The following TRIM5 variants were observed in gnomAD, a reference collection of about 807,000 sequenced individuals.
TRIM5 encodes the protein tripartite motif-containing protein 5.
In TRIM5, 31 loss-of-function variants were observed where a neutral mutation model predicts 35.6. The ratio of observed to expected loss-of-function variants is 0.87; its 90% CI spans 0.65 to 1.18. The LOEUF (loss-of-function observed/expected upper bound fraction) is 1.18. TRIM5 is among the 50% of genes most tolerant of loss of function. The pLI is 0.00. For missense variants in TRIM5, 609 were observed against 591.6 expected (o/e 1.03, Z -0.31); for synonymous variants, 243 against 215.6 (o/e 1.13, Z -1.11).
At chr11:5,640,833 G>A in the TRIM5 span, among the ~76,000 whole-genome samples, 1 of 151,992 alleles carries the variant, frequency 6.6e-6, no homozygotes, top group African/African-American at 2.4e-5. Context: ...ACATGTTTTA[G>A]GCCTATTCAT....
the TRIM5 span, among the ~76,000 whole-genome samples, chr11:5,628,999 G>T: frequency 2.6e-5 from 4 of 152,104 alleles, no homozygotes; most frequent in Non-Finnish European, 4.4e-5. Flanking sequence ...GGTCAAGGCC[G>T]GGTGCAGTGG....
chr11:5,637,010 T>C, the TRIM5 span, among the ~76,000 whole-genome samples: 10 of 152,034 alleles, frequency 6.6e-5, no homozygotes, highest in Non-Finnish European at 1.3e-4. Flanking sequence ...GCCGGGCATT[T>C]TATAATATAC....
At chr11:5,618,911 A>ACAT in the TRIM5 span, among the ~76,000 whole-genome samples, 3 of 152,248 alleles carry the variant, frequency 2.0e-5, no homozygotes, top group African/African-American at 7.2e-5. Flanking sequence ...TATTTGGGAA[A>ACAT]CATCAGTGTA....
the TRIM5 span, chr11:5,634,704 A>G: frequency 1.9e-6 from 3 of 1,614,106 alleles, no homozygotes; most frequent in South Asian, 2.2e-5. Context: ...AATAATGAGG[A>G]GCAGAGAGAG....
At chr11:5,657,088 A>G in the TRIM5 span, among the ~76,000 whole-genome samples, 4 of 152,206 alleles carry the variant, frequency 2.6e-5, no homozygotes, top group South Asian at 2.1e-4. Flanking sequence ...TAGACTGGAT[A>G]AAGAAAATGT....
downstream of TRIM5, among the ~76,000 whole-genome samples, chr11:5,659,662 T>A (rs1314659812): frequency 6.6e-6 from 1 of 152,002 alleles, no homozygotes; most frequent in African/African-American, 2.4e-5. Context: ...GCCTAGATGG[T>A]ACAGACCATA....
chr11:5,600,210 C>T, the TRIM5 span, among the ~76,000 whole-genome samples: 1 of 152,180 alleles, frequency 6.6e-6, no homozygotes, highest in Admixed American at 6.5e-5. Flanking sequence ...TATCTGCATT[C>T]AACACCGGCC....
chr11:5,643,174 A>C, the TRIM5 span: 1 of 1,577,602 alleles, frequency 6.3e-7, no homozygotes, highest in African/African-American at 1.4e-5. Flanking sequence ...GTCAACCTAA[A>C]TTTGAATCTT....
chr11:5,679,278 A>G, intron 2 of TRIM5, 109 bp from the exon 3 acceptor site: 1 of 914,968 alleles, frequency 1.1e-6, no homozygotes, highest in South Asian at 1.5e-5. Context: ...AAATTTGCAG[A>G]AACTGTGAGA....
chr11:5,642,410 G>T, the TRIM5 span: 5 of 1,612,734 alleles, frequency 3.1e-6, no homozygotes, highest in Non-Finnish European at 3.4e-6. Context: ...CCCTAGGAGT[G>T]AGATCTGGAG....
At chr11:5,606,548 G>GA in the TRIM5 span, among the ~76,000 whole-genome samples, 1 of 152,026 alleles carries the variant, frequency 6.6e-6, no homozygotes, top group Non-Finnish European at 1.5e-5. Context: ...CTTAGTATTA[G>GA]AGCCATGGGT....
the TRIM5 span, chr11:5,596,268 G>T: frequency 1.3e-5 from 2 of 153,376 alleles, no homozygotes; most frequent in East Asian, 3.9e-4. Context: ...CGGGTTGGGG[G>T]TGGTTCACGG....
chr11:5,605,029 C>T, the TRIM5 span: 1 of 451,454 alleles, frequency 2.2e-6, no homozygotes, highest in Non-Finnish European at 4.1e-6. Context: ...CCTCAGTACT[C>T]GAAATTGGAA....
At chr11:5,622,486 G>A in the TRIM5 span, among the ~76,000 whole-genome samples, 11 of 151,920 alleles carry the variant, frequency 7.2e-5, no homozygotes, top group Middle Eastern at 3.4e-3. Context: ...GCTGGACGTG[G>A]TGGCGCATGC....
In TRIM5 at chr11:5,667,576, G is replaced by T. The variant is rs78913107; in HGVS notation, c.767+113C>A. On this transcript the variant is annotated intron_variant, in intron 5 of 7. Transcript: ENST00000380034. ...CAGAAATTTATGATAAAACAATATCGAAATTTTTCTGCCCTGGGAGATGTT... is the reference window on the plus strand; with the variant it reads ...CAGAAATTTATGATAAAACAATATCTAAATTTTTCTGCCCTGGGAGATGTT... 1,163 of 1,144,602 alleles carry T rather than the reference G, an allele frequency of 1.0e-3. 3 individuals are homozygous for T. Among genetic ancestry groups the T allele is most frequent in the African/African-American group, 8.5e-3 (537 of 63,140 alleles). The allele number at this position is 1,144,602 out of a possible 1,614,324, so 70.9% of individuals were successfully genotyped here. A position where few individuals can be genotyped will look rare whatever the true frequency, so the allele number is the denominator to read the frequency against.
the TRIM5 span, among the ~76,000 whole-genome samples, chr11:5,645,044 C>CA: frequency 3.9e-5 from 6 of 151,936 alleles, no homozygotes; most frequent in Non-Finnish European, 5.9e-5. Context: ...TTATATTTGA[C>CA]AAAAAAAATT....
At chr11:5,645,576 G>GTAAACATTATAAAATTATA in the TRIM5 span, 2 of 153,334 alleles carry the variant, frequency 1.3e-5, no homozygotes, top group African/African-American at 4.8e-5. Flanking sequence ...ATAAAATGAT[G>GTAAACATTATAAAATTATA]TAAACATTAT....
chr11:5,642,268 T>C, the TRIM5 span: 1 of 654,956 alleles, frequency 1.5e-6, no homozygotes, highest in Admixed American at 2.8e-5. Context: ...AGGGTCCGGC[T>C]CTCCCTTCTC....
chr11:5,634,878 A>T, the TRIM5 span: 1 of 1,606,800 alleles, frequency 6.2e-7, no homozygotes, highest in South Asian at 1.1e-5. Context: ...AGGTTCGCTC[A>T]ATCTGAGATT....
Sources: allele counts gnomAD v4.1 joint callset (sites outside exome capture counted in the v4.1 genomes callset), GRCh38; gene constraint gnomAD v4.1.1; transcripts MANE v1.5; gene names NCBI Gene and HGNC (gene_info 2026-07-23, HGNC 2026-07-21).